RBFOX1: variants seen among roughly 807,000 people sequenced by gnomAD.
RBFOX1 encodes RNA binding fox-1 homolog 1, also known as RNA binding protein fox-1 homolog 1.
RBFOX1 carries 8 observed loss-of-function variants against 57.7 expected under a neutral mutation model. The ratio of observed to expected loss-of-function variants is 0.14; its 90% confidence interval spans 0.08 to 0.25. The LOEUF is 0.25. Among genes scored for constraint, RBFOX1 ranks in the 10% least tolerant of loss-of-function variants. The pLI, the probability that RBFOX1 is intolerant of heterozygous loss-of-function variation, is 1.00. For synonymous variants in RBFOX1, 326 were observed against 222.4 expected (o/e 1.47, Z -4.15); for missense variants, 611 against 548.5 (o/e 1.11, Z -1.14).
At chr16:6,733,922 C>A (rs1603474640) in intron 3 of RBFOX1, among the ~76,000 whole-genome samples, 1 of 152,166 alleles carries the variant, frequency 6.6e-6, no homozygotes, top group African/African-American at 2.4e-5. Flanking sequence ...GGTTTCAGTT[C>A]TTAGATAGTC....
rs755785098 is a variant in RBFOX1, at chr16:6,957,857, C to T, written c.-15-94200C>T. ...GTAGTTAGCCTGGACTTCCTCCTAG[C>T]GTGACAGTTGCAGATTAGTCAGAGC... On this transcript the variant is annotated intron_variant, in intron 3 of 15. Transcript: ENST00000550418. 3.9e-5 allele frequency among the ~76,000 whole-genome samples: 6 copies of T among 152,166 alleles called. No homozygotes were observed. In the East Asian group the frequency reaches 5.8e-4, roughly 15 times the overall value.
intron 4 of RBFOX1, among the ~76,000 whole-genome samples, chr16:7,388,986 G>T (rs532476203): frequency 3.8e-4 from 58 of 152,096 alleles, no homozygotes; most frequent in Non-Finnish European, 6.9e-4. Flanking sequence ...CAGAGTAAGT[G>T]CTTAAAACAT....
intron 3 of RBFOX1, among the ~76,000 whole-genome samples, chr16:5,730,376 C>T (rs62014075): frequency 4.6e-5 from 7 of 151,984 alleles, no homozygotes; most frequent in South Asian, 2.1e-4. Context: ...AGAGTGGAGC[C>T]GGCAAGCACC....
intron 4 of RBFOX1, among the ~76,000 whole-genome samples, chr16:7,161,396 C>T (rs2078293590): frequency 6.6e-6 from 1 of 152,146 alleles, no homozygotes; most frequent in Non-Finnish European, 1.5e-5. Context: ...GCTAAATACA[C>T]ATTATACCTA....
intron 1 of RBFOX1, among the ~76,000 whole-genome samples, chr16:6,164,940 G>A (rs988512129): frequency 6.6e-6 from 1 of 151,978 alleles, no homozygotes; most frequent in Non-Finnish European, 1.5e-5. Flanking sequence ...AAGTTTGGGG[G>A]GAAAGTGTGC....
chr16:6,381,036 G>A (rs1438910261), intron 2 of RBFOX1, among the ~76,000 whole-genome samples: 2 of 152,160 alleles, frequency 1.3e-5, no homozygotes, highest in African/African-American at 4.8e-5. Context: ...AGTATTTTAG[G>A]GGGCAGGTCA....
intron 1 of RBFOX1, among the ~76,000 whole-genome samples, chr16:5,293,408 G>T (rs1313995502): frequency 1.3e-5 from 2 of 152,116 alleles, no homozygotes; most frequent in Non-Finnish European, 2.9e-5. Flanking sequence ...TGTCCCTCCT[G>T]CCCTGGCTGT....
At chr16:7,258,940 G>T (rs1350933395) in intron 4 of RBFOX1, among the ~76,000 whole-genome samples, 1 of 152,188 alleles carries the variant, frequency 6.6e-6, no homozygotes, top group East Asian at 1.9e-4. Context: ...TTAGATGGAA[G>T]AAAGATGGGT....
chr16:5,545,033 G>C (rs1405177925), intron 2 of RBFOX1, among the ~76,000 whole-genome samples: 3 of 142,464 alleles, frequency 2.1e-5, no homozygotes, highest in Admixed American at 7.3e-5. Context: ...CTGGAGTGTA[G>C]TGGAGCATTC....
At chr16:7,198,284 C>T (rs1043095822) in intron 4 of RBFOX1, among the ~76,000 whole-genome samples, 4 of 152,118 alleles carry the variant, frequency 2.6e-5, no homozygotes, top group African/African-American at 9.7e-5. Flanking sequence ...GGATTACAGG[C>T]GTAAGCCACC....
chr16:6,789,485 A>C (rs2082535826), intron 3 of RBFOX1, among the ~76,000 whole-genome samples: 2 of 152,188 alleles, frequency 1.3e-5, no homozygotes, highest in African/African-American at 4.8e-5. Context: ...TTTAGAGAGA[A>C]GCAGTCATTT....
At chr16:7,008,281 C>T (rs769932308) in intron 3 of RBFOX1, among the ~76,000 whole-genome samples, 1 of 152,092 alleles carries the variant, frequency 6.6e-6, no homozygotes, top group Non-Finnish European at 1.5e-5. Context: ...GTGGCTTATA[C>T]CTGTAATCCC....
At chr16:6,852,022 T>C (rs889138782) in intron 3 of RBFOX1, among the ~76,000 whole-genome samples, 1 of 151,326 alleles carries the variant, frequency 6.6e-6, no homozygotes, top group Non-Finnish European at 1.5e-5. Context: ...ATCTCCCGGG[T>C]TCATGCCATT....
chr16:6,220,728 C>CA (rs5815292), intron 1 of RBFOX1, among the ~76,000 whole-genome samples: 73,684 of 119,092 alleles, frequency 0.62, 18,384 homozygotes, highest in South Asian at 0.68. Flanking sequence ...AACCGCCCCC[C>CA]CCCAGTGGAA....
At chr16:5,532,187 G>T (rs1455693547) in intron 2 of RBFOX1, among the ~76,000 whole-genome samples, 1 of 152,108 alleles carries the variant, frequency 6.6e-6, no homozygotes. Context: ...TCATGGTTGG[G>T]GTTGTCTTGC....
chr16:6,150,951 C>A lies in RBFOX1; in HGVS notation c.-127+130959C>A, dbSNP rs938655560. ...GGGCGCCCTACATTTGTGCTAGCCT[C>A]TTGGTATTTTTTCTCCCAGCTTAGA... is the stretch of plus-strand genomic sequence containing the variant. On this transcript the variant is annotated intron_variant, in intron 1 of 15. Coordinates refer to ENST00000550418, the MANE Select transcript of RBFOX1 (RefSeq NM_018723.4). 2.6e-5 allele frequency among the ~76,000 whole-genome samples: 4 copies of A among 152,166 alleles called. No individual in the cohort carries two copies. In the South Asian group the frequency reaches 8.3e-4, roughly 32 times the overall value.
At chr16:6,885,762 C>G (rs929121715) in intron 3 of RBFOX1, among the ~76,000 whole-genome samples, 6 of 152,154 alleles carry the variant, frequency 3.9e-5, no homozygotes, top group Non-Finnish European at 5.9e-5. Flanking sequence ...GAACTCATGC[C>G]TCAGGTGATT....
At chr16:6,921,050 A>G (rs1050492198) in intron 3 of RBFOX1, among the ~76,000 whole-genome samples, 10 of 152,124 alleles carry the variant, frequency 6.6e-5, no homozygotes, top group African/African-American at 9.7e-5. Context: ...CCCACAGACT[A>G]TGGGGCTCAG....
chr16:6,104,321 T>C (rs1242825947), intron 1 of RBFOX1, among the ~76,000 whole-genome samples: 1 of 152,172 alleles, frequency 6.6e-6, no homozygotes, highest in Non-Finnish European at 1.5e-5. Context: ...TATTGCAATA[T>C]TAAGGGAAAC....
Sources: gnomAD v4.1 joint callset for allele counts (sites outside exome capture counted in the v4.1 genomes callset) on GRCh38, gnomAD v4.1.1 for gene constraint, MANE v1.5 for transcripts, NCBI Gene and HGNC (gene_info 2026-07-23, HGNC 2026-07-21) for gene names.